The following FANCC variants were observed in gnomAD, a reference collection of about 807,000 sequenced individuals.
The protein encoded by FANCC is Fanconi anemia group C protein.
A neutral mutation model predicts 71.3 loss-of-function variants in FANCC; 55 were observed. That is an observed-to-expected ratio of 0.77 (90% CI 0.62 to 0.97). FANCC has a LOEUF of 0.97. Ranked by LOEUF, FANCC falls within the 50% of genes least tolerant of loss-of-function variation. The pLI is 0.00. For synonymous variants in FANCC, 275 were observed against 244.9 expected (o/e 1.12, Z -1.15); for missense variants, 678 against 670.9 (o/e 1.01, Z -0.12).
intron 10 of FANCC, among the ~76,000 whole-genome samples, chr9:95,120,816 G>A (rs770362780): frequency 2.6e-5 from 4 of 152,130 alleles, no homozygotes; most frequent in Admixed American, 2.6e-4. Flanking sequence ...TAATGTCATT[G>A]TTGGTAGTTT....
intron 3 of FANCC, among the ~76,000 whole-genome samples, chr9:95,243,768 TG>T (rs1405037098): frequency 1.3e-5 from 2 of 152,130 alleles, no homozygotes; most frequent in African/African-American, 4.8e-5. Context: ...CACTCCAGCC[TG>T]GGTGAAAGAG....
At chr9:95,144,752 C>T (rs995958861) in intron 7 of FANCC, among the ~76,000 whole-genome samples, 1 of 152,128 alleles carries the variant, frequency 6.6e-6, no homozygotes, top group Non-Finnish European at 1.5e-5. Flanking sequence ...TGAAAAATCG[C>T]CGTGGAGAGT....
intron 7 of FANCC, among the ~76,000 whole-genome samples, chr9:95,139,566 C>T (rs1828272683): frequency 6.6e-6 from 1 of 151,888 alleles, no homozygotes; most frequent in Non-Finnish European, 1.5e-5. Context: ...GGAGTATGCC[C>T]CTATTTCAAA....
intron 4 of FANCC, among the ~76,000 whole-genome samples, chr9:95,186,104 G>A (rs1826690195): frequency 6.6e-6 from 1 of 152,120 alleles, no homozygotes; most frequent in African/African-American, 2.4e-5. Context: ...TCACACCTCT[G>A]CCTCTCAAGT....
chr9:95,111,013 T>C, intron 13 of FANCC: 1 of 1,436,588 alleles, frequency 7.0e-7, no homozygotes, highest in African/African-American at 1.4e-5. Context: ...ATCTGTTGAC[T>C]GATCCAAGAA....
At chr9:95,192,222 G>A (rs532365801) in intron 4 of FANCC, among the ~76,000 whole-genome samples, 16 of 152,152 alleles carry the variant, frequency 1.1e-4, no homozygotes, top group Admixed American at 3.9e-4. Flanking sequence ...CAGGGACAAC[G>A]ACCAAGGACA....
At chr9:95,160,661 C>A (rs1227586361) in intron 6 of FANCC, among the ~76,000 whole-genome samples, 1 of 152,162 alleles carries the variant, frequency 6.6e-6, no homozygotes, top group East Asian at 1.9e-4. Context: ...TATCCATGAG[C>A]ATGGAATGTT....
intron 1 of FANCC, among the ~76,000 whole-genome samples, chr9:95,315,812 T>C (rs1170759106): frequency 6.6e-6 from 1 of 152,230 alleles, no homozygotes; most frequent in Non-Finnish European, 1.5e-5. Context: ...AACTTTCTAC[T>C]GGCCAGGCTG....
chr9:95,249,506 T>C lies in FANCC; in HGVS notation c.-78-137A>G, dbSNP rs146239373. 61 of 575,094 alleles carry C rather than the reference T, an allele frequency of 1.1e-4. 1 individual carries two copies. Among genetic ancestry groups the C allele is most frequent in the African/African-American group, 9.9e-4 (53 of 53,590 alleles). 35.6% of individuals were successfully genotyped at this position (575,094 alleles called of 1,614,324 possible). ...CTATGCTGGAGCCATCTTTGAATTG[T>C]TATAAAATATGTCATCCAGCTGGAG... On this transcript the variant is annotated intron_variant, in intron 1 of 14. Coordinates refer to ENST00000289081, the MANE Select transcript of FANCC (RefSeq NM_000136.3).
chr9:95,297,211 T>C (rs1040627623), intron 1 of FANCC, among the ~76,000 whole-genome samples: 3 of 152,330 alleles, frequency 2.0e-5, no homozygotes, highest in Middle Eastern at 6.8e-3. Context: ...GGCAATTGTT[T>C]AGAATCCTGC....
intron 8 of FANCC, among the ~76,000 whole-genome samples, chr9:95,131,561 C>T (rs572984272): frequency 6.6e-6 from 1 of 152,332 alleles, no homozygotes; most frequent in South Asian, 2.1e-4. Context: ...GAAAGTGCAA[C>T]TCCAGTCCAA....
chr9:95,232,706 G>T (rs991690828), intron 4 of FANCC, among the ~76,000 whole-genome samples: 5 of 152,114 alleles, frequency 3.3e-5, no homozygotes, highest in Middle Eastern at 3.2e-3. Context: ...GAAAAGGAAA[G>T]AAATTCGAGC....
intron 4 of FANCC, among the ~76,000 whole-genome samples, chr9:95,205,125 T>C (rs902048402): frequency 5.3e-5 from 8 of 152,240 alleles, no homozygotes; most frequent in Admixed American, 6.5e-5. Context: ...GGTATGATTG[T>C]AAAAGGAAGT....
At chr9:95,208,678 AAAC>A (rs1264780312) in intron 4 of FANCC, among the ~76,000 whole-genome samples, 2 of 152,210 alleles carry the variant, frequency 1.3e-5, no homozygotes, top group African/African-American at 2.4e-5. Flanking sequence ...ATGCAAATTA[AAAC>A]AACGAGATAC....
chr9:95,136,646 C>G (rs1164980816), intron 7 of FANCC, among the ~76,000 whole-genome samples: 1 of 152,170 alleles, frequency 6.6e-6, no homozygotes, highest in African/African-American at 2.4e-5. Context: ...GTCACCACAT[C>G]TGGCTATTTT....
At chr9:95,199,347 C>T (rs1180816998) in intron 4 of FANCC, among the ~76,000 whole-genome samples, 1 of 151,888 alleles carries the variant, frequency 6.6e-6, no homozygotes, top group African/African-American at 2.4e-5. Flanking sequence ...CCTGCACCCA[C>T]AGCCCTCTCT....
In FANCC at chr9:95,100,380, A is replaced by G. The variant is rs1320976952; in HGVS notation, c.*1327T>C. 2 of 231,478 alleles carry G rather than the reference A, an allele frequency of 8.6e-6. No individual in the cohort carries two copies. The highest frequency in any genetic ancestry group is 5.6e-5 in the Admixed American group (1 of 17,744). 14.3% of individuals were successfully genotyped at this position (231,478 alleles called of 1,614,324 possible). On this transcript the variant is annotated 3_prime_UTR_variant, in exon 15 of 15. Coordinates refer to ENST00000289081, the MANE Select transcript of FANCC (RefSeq NM_000136.3). ...CCAGATCTTCAGTGGATCTATTAGC[A>G]TTGCCACATACCAAAATAAGGAATT...
At chr9:95,258,355 TTCA>T (rs1831800889) in intron 1 of FANCC, among the ~76,000 whole-genome samples, 1 of 152,208 alleles carries the variant, frequency 6.6e-6, no homozygotes, top group South Asian at 2.1e-4. Context: ...TCAAGTCGGC[TTCA>T]TCCCTGGGAT....
intron 1 of FANCC, among the ~76,000 whole-genome samples, chr9:95,259,779 T>C (rs1831907327): frequency 6.6e-6 from 1 of 152,192 alleles, no homozygotes; most frequent in Non-Finnish European, 1.5e-5. Flanking sequence ...GAGAAAATTT[T>C]TGCAATCTAT....
Sources: allele counts gnomAD v4.1 joint callset (sites outside exome capture counted in the v4.1 genomes callset), GRCh38; gene constraint gnomAD v4.1.1; transcripts MANE v1.5; gene names NCBI Gene and HGNC (gene_info 2026-07-23, HGNC 2026-07-21).